Variants in MYO5B observed in about 807,000 individuals in gnomAD.
MYO5B encodes the protein unconventional myosin-Vb.
MYO5B carries 143 observed loss-of-function variants against 229.3 expected under a neutral mutation model. That is an observed-to-expected ratio of 0.62 (90% CI 0.54 to 0.72). The LOEUF is 0.72. MYO5B is among the 30% of genes least tolerant of loss of function. The pLI, the probability that MYO5B is intolerant of heterozygous loss-of-function variation, is 0.00. For synonymous variants in MYO5B, 918 were observed against 885.2 expected (o/e 1.04, Z -0.66); for missense variants, 2,321 against 2,331.0 (o/e 1.00, Z 0.09).
chr18:49,897,846 T>C (rs1424783651), intron 21 of MYO5B, among the ~76,000 whole-genome samples: 19 of 152,146 alleles, frequency 1.2e-4, no homozygotes, highest in Non-Finnish European at 7.3e-5. Context: ...GTTTATAAAG[T>C]CTACAGGAGT....
intron 2 of MYO5B, among the ~76,000 whole-genome samples, chr18:50,054,620 T>C (rs1005822951): frequency 7.2e-5 from 11 of 152,088 alleles, no homozygotes; most frequent in African/African-American, 2.7e-4. Context: ...ATCAGACATA[T>C]TAGGAGGAAT....
At chr18:49,913,091 C>T (rs1598878121) in intron 17 of MYO5B, among the ~76,000 whole-genome samples, 1 of 152,090 alleles carries the variant, frequency 6.6e-6, no homozygotes, top group African/African-American at 2.4e-5. Context: ...GTAATACAGG[C>T]CCACTGTAAA....
chr18:49,882,626 CA>C (rs10683323), intron 22 of MYO5B, among the ~76,000 whole-genome samples: 54 of 93,824 alleles, frequency 5.8e-4, no homozygotes, highest in South Asian at 4.4e-4. Flanking sequence ...GAAATCATCT[CA>C]AAAAAAAAAA....
intron 5 of MYO5B, among the ~76,000 whole-genome samples, chr18:50,000,348 G>A (rs554582700): frequency 1.4e-4 from 22 of 152,288 alleles, no homozygotes; most frequent in Admixed American, 1.4e-3. Context: ...ATGATAGAAG[G>A]GAACTGTCCA....
intron 18 of MYO5B, among the ~76,000 whole-genome samples, chr18:49,909,006 C>A (rs1262193091): frequency 6.6e-6 from 1 of 152,226 alleles, no homozygotes; most frequent in East Asian, 1.9e-4. Flanking sequence ...CAGGCTGCCC[C>A]TCCAGGAAGG....
intron 2 of MYO5B, among the ~76,000 whole-genome samples, chr18:50,041,323 C>T (rs2144392070): frequency 6.6e-6 from 1 of 152,246 alleles, no homozygotes; most frequent in African/African-American, 2.4e-5. Context: ...TGGACACAGA[C>T]TCAATTTACT....
chr18:50,077,540 C>CACACACACACAG (rs1491568419), intron 1 of MYO5B, among the ~76,000 whole-genome samples: 1 of 148,286 alleles, frequency 6.7e-6, no homozygotes, highest in Non-Finnish European at 1.5e-5. Flanking sequence ...CACACACACA[C>CACACACACACAG]AGTAAAGGAC....
At chr18:50,194,579 G>A (rs961600358) in intron 1 of MYO5B, among the ~76,000 whole-genome samples, 188 bp downstream of exon 1, 12 of 152,314 alleles carry the variant, frequency 7.9e-5, no homozygotes, top group Non-Finnish European at 1.3e-4. Flanking sequence ...GGCGTTCCCG[G>A]AACCGCCAAA....
At chr18:50,136,700 C>A (rs980508706) in intron 1 of MYO5B, among the ~76,000 whole-genome samples, 1 of 152,158 alleles carries the variant, frequency 6.6e-6, no homozygotes, top group African/African-American at 2.4e-5. Context: ...CAAATCTTAA[C>A]CCTGCCACTT....
intron 9 of MYO5B, among the ~76,000 whole-genome samples, chr18:49,978,694 TACACACAC>T (rs10527520): frequency 0.042 from 5,895 of 139,150 alleles, 159 homozygotes; most frequent in Middle Eastern, 0.05. Flanking sequence ...CAGCAAGTAA[TACACACAC>T]ACACACACAC....
chr18:49,915,213 A>C (rs984240802), intron 17 of MYO5B, among the ~76,000 whole-genome samples: 3 of 152,174 alleles, frequency 2.0e-5, no homozygotes, highest in Non-Finnish European at 4.4e-5. Flanking sequence ...CATAATGTAA[A>C]ATATACCCCT....
At chr18:50,044,464 C>T (rs541654924) in intron 2 of MYO5B, among the ~76,000 whole-genome samples, 118 of 152,134 alleles carry the variant, frequency 7.8e-4, no homozygotes, top group African/African-American at 2.8e-3. Context: ...ACAATTCTCA[C>T]AAAATTAATA....
intron 16 of MYO5B, among the ~76,000 whole-genome samples, chr18:49,930,441 T>C (rs908702934): frequency 4.6e-5 from 7 of 152,352 alleles, no homozygotes; most frequent in Non-Finnish European, 8.8e-5. Flanking sequence ...ATATTGAGTA[T>C]GGCAGTGTAG....
intron 12 of MYO5B, 137 bp downstream of exon 12, chr18:49,962,129 T>C (rs1044451662): frequency 1.8e-6 from 2 of 1,107,300 alleles, no homozygotes; most frequent in Non-Finnish European, 2.7e-6. Context: ...GCTTCTAGTA[T>C]GCAGCCTGCC....
At chr18:49,896,336 G>C (rs1893454) in intron 21 of MYO5B, among the ~76,000 whole-genome samples, 18,813 of 152,108 alleles carry the variant, frequency 0.12, 1,432 homozygotes, top group East Asian at 0.29. Context: ...TTCAAGCCTG[G>C]TCTGCCTGCA....
At chr18:50,002,133 C>T (rs187885139) in intron 4 of MYO5B, among the ~76,000 whole-genome samples, 3 of 152,026 alleles carry the variant, frequency 2.0e-5, no homozygotes, top group Non-Finnish European at 2.9e-5. Context: ...GTATACATTA[C>T]AATTTCTTCA....
In MYO5B at chr18:50,194,841, G is replaced by A; in HGVS notation, c.-48C>T. The A allele has an allele frequency of 3.1e-6, 4 of 1,285,304 alleles. No individual in the cohort carries two copies. Among genetic ancestry groups the A allele is most frequent in the Non-Finnish European group, 3.9e-6 (4 of 1,021,742 alleles). The allele number at this position is 1,285,304 out of a possible 1,614,324, so 79.6% of individuals were successfully genotyped here. ...GGCCCCGGCTCCTGGCTGCCCCGCG[G>A]CTCTCAGTCCGCGGCTGGCCCGCCT... On this transcript the variant is annotated 5_prime_UTR_variant, in exon 1 of 40. Transcript: ENST00000285039.
chr18:50,185,594 G>A (rs902692302), intron 1 of MYO5B, among the ~76,000 whole-genome samples: 19 of 152,028 alleles, frequency 1.2e-4, no homozygotes, highest in Non-Finnish European at 2.5e-4. Context: ...CTAATTGCCC[G>A]ATTTAATCAT....
intron 7 of MYO5B, among the ~76,000 whole-genome samples, chr18:49,989,234 T>C (rs2025903627): frequency 6.6e-6 from 1 of 152,152 alleles, no homozygotes; most frequent in African/African-American, 2.4e-5. Context: ...CATAAGCAAG[T>C]GTTATGAGGG....
Sources: allele counts gnomAD v4.1 joint callset (sites outside exome capture counted in the v4.1 genomes callset), GRCh38; gene constraint gnomAD v4.1.1; transcripts MANE v1.5; gene names NCBI Gene and HGNC (gene_info 2026-07-23, HGNC 2026-07-21).